MARS1: variants seen among roughly 807,000 people sequenced by gnomAD.
The protein encoded by MARS1 is methionyl-tRNA synthetase 1, also known as methionine--tRNA ligase, cytoplasmic.
Under a neutral mutation model 119.5 loss-of-function variants are expected in MARS1, and 80 were observed. The ratio of observed to expected loss-of-function variants is 0.67; its 90% CI spans 0.56 to 0.81. The LOEUF (loss-of-function observed/expected upper bound fraction) is 0.81. MARS1 is among the 30% of genes least tolerant of loss of function. The pLI, the probability that MARS1 is intolerant of heterozygous loss-of-function variation, is 0.00. For missense variants in MARS1, 945 were observed against 1,116.5 expected, an observed-to-expected ratio of 0.85 and a Z score of 2.19; for synonymous variants, 418 against 433.4, an observed-to-expected ratio of 0.96 and a Z score of 0.44.
chr12:57,508,315 GGA>G (rs1442132129), intron 11 of MARS1, among the ~76,000 whole-genome samples: 1 of 152,064 alleles, frequency 6.6e-6, no homozygotes, highest in African/African-American at 2.4e-5. Context: ...CAGGCAGCTG[GGA>G]GGTGGAGGTT....
intron 18 of MARS1, 53 bp from the exon 19 acceptor site, chr12:57,515,867 A>G (rs747848367): frequency 6.2e-5 from 87 of 1,397,620 alleles, no homozygotes; most frequent in Admixed American, 1.6e-4. Context: ...TGTATAGTCT[A>G]TGGTAGAGTC....
chr12:57,507,166 G>A (rs982209159), intron 11 of MARS1, among the ~76,000 whole-genome samples: 14 of 152,012 alleles, frequency 9.2e-5, no homozygotes, highest in Admixed American at 2.0e-4. Flanking sequence ...ACAGGGTTGG[G>A]GGTAAGGTTA....
intron 4 of MARS1, 83 bp from the exon 5 acceptor site, chr12:57,489,813 G>T (rs1246579361): frequency 7.8e-7 from 1 of 1,275,850 alleles, no homozygotes; most frequent in African/African-American, 1.5e-5. Flanking sequence ...CATATAAAGT[G>T]CTCAGTAAAT....
At chr12:57,501,391 T>C (rs1876908380) in intron 10 of MARS1, among the ~76,000 whole-genome samples, 2 of 152,326 alleles carry the variant, frequency 1.3e-5, no homozygotes, top group Middle Eastern at 6.8e-3. Flanking sequence ...AGAAATAAAG[T>C]ATGTTGAAGG....
chr12:57,499,907 C>A lies in MARS1; in HGVS notation c.1092-414C>A, dbSNP rs539178201. Among the ~76,000 whole-genome samples the A allele has an allele frequency of 3.9e-5, 6 of 152,104 alleles. No individual in the cohort carries two copies. The South Asian group carries it at 1.0e-3, about 26-fold the overall frequency. Reference sequence around the variant, plus strand: ...GAGCGAGACTCTGTCTCAAAACAAACAAAAAAACCCCCAAAACTTTACATA... The same window carrying A: ...GAGCGAGACTCTGTCTCAAAACAAAAAAAAAAACCCCCAAAACTTTACATA... On this transcript the variant is annotated intron_variant, in intron 9 of 20. Transcript: ENST00000262027.
chr12:57,504,733 C>T (rs1377394201), intron 11 of MARS1, among the ~76,000 whole-genome samples: 3 of 108,948 alleles, frequency 2.8e-5, no homozygotes, highest in Admixed American at 1.4e-4. Context: ...GACAGAGTTT[C>T]GCTCTTGTCG....
At chr12:57,508,163 C>G (rs1877317433) in intron 11 of MARS1, among the ~76,000 whole-genome samples, 1 of 152,142 alleles carries the variant, frequency 6.6e-6, no homozygotes, top group Non-Finnish European at 1.5e-5. Context: ...CAGAGACACT[C>G]CTCACTTTCC....
chr12:57,514,293 G>T (rs1877667024), intron 15 of MARS1, among the ~76,000 whole-genome samples: 1 of 151,326 alleles, frequency 6.6e-6, no homozygotes, highest in Admixed American at 6.6e-5. Flanking sequence ...GAGTAGCTGG[G>T]ATTACAGGTG....
chr12:57,501,529 T>C (rs1876914387), intron 10 of MARS1, among the ~76,000 whole-genome samples: 1 of 151,410 alleles, frequency 6.6e-6, no homozygotes. Context: ...CTACTGAAAA[T>C]ACAGAAATGG....
chr12:57,516,393 T>C (rs1416900365), intron 20 of MARS1, 42 bp from the exon 21 acceptor site: 1 of 1,611,736 alleles, frequency 6.2e-7, no homozygotes, highest in Non-Finnish European at 8.5e-7. Flanking sequence ...AATAGATCTT[T>C]TTCTTGCCTC....
At chr12:57,495,902 A>C (rs553357803) in intron 7 of MARS1, among the ~76,000 whole-genome samples, 79 of 152,336 alleles carry the variant, frequency 5.2e-4, no homozygotes, top group African/African-American at 1.9e-3. Context: ...GGGCAGGCTG[A>C]GGCAGGAGAA....
In MARS1 at chr12:57,496,427, T is replaced by C. The variant is rs2140014666; in HGVS notation, c.771-1730T>C. Among the ~76,000 whole-genome samples the C allele has an allele frequency of 2.6e-5, 4 of 152,138 alleles. 1 individual carries two copies. The highest frequency in any genetic ancestry group is 2.6e-4 in the Admixed American group (4 of 15,286). ...ATCCGCCTGCCTGAGCCTCCCAAAG[T>C]GCTGGGATTACAGGCGTGAGCCACT... is the stretch of plus-strand genomic sequence containing the variant. On this transcript the variant is annotated intron_variant, in intron 7 of 20. Transcript: ENST00000262027.
chr12:57,511,030 G>T (rs1320213924), intron 11 of MARS1, among the ~76,000 whole-genome samples: 1 of 151,694 alleles, frequency 6.6e-6, no homozygotes. Flanking sequence ...GCCATGATGT[G>T]CCACTGTACT....
intron 1 of MARS1, chr12:57,488,621 T>A (rs1430339113): frequency 6.4e-7 from 1 of 1,550,972 alleles, no homozygotes; most frequent in African/African-American, 1.4e-5. Context: ...CCTCTTCTCA[T>A]TCTCAGCCGA....
intron 18 of MARS1, 97 bp from the exon 19 acceptor site, chr12:57,515,823 A>C (rs989503809): frequency 1.1e-6 from 1 of 895,904 alleles, no homozygotes; most frequent in African/African-American, 1.7e-5. Context: ...GTTCTTTCTA[A>C]AACACATCAG....
intron 7 of MARS1, among the ~76,000 whole-genome samples, chr12:57,495,184 C>A (rs1211119532): frequency 6.7e-6 from 1 of 149,950 alleles, no homozygotes; most frequent in East Asian, 2.0e-4. Flanking sequence ...CTGCCCCCCA[C>A]CTCCCGGATG....
chr12:57,506,830 C>G (rs1005632914), intron 11 of MARS1, among the ~76,000 whole-genome samples: 3 of 151,538 alleles, frequency 2.0e-5, no homozygotes, highest in African/African-American at 7.3e-5. Context: ...CACATACCAC[C>G]ATGCCTGGCT....
intron 7 of MARS1, among the ~76,000 whole-genome samples, chr12:57,497,559 G>C (rs1287099346): frequency 6.6e-6 from 1 of 152,162 alleles, no homozygotes; most frequent in African/African-American, 2.4e-5. Flanking sequence ...TGAATGGCAT[G>C]ACCAGCAACG....
At chr12:57,490,875 CTTTTT>C (rs34238800) in intron 7 of MARS1, among the ~76,000 whole-genome samples, 1 of 101,044 alleles carries the variant, frequency 9.9e-6, no homozygotes. Flanking sequence ...CTTGTCTATC[CTTTTT>C]TTTTTTTTTT....
Sources: allele counts gnomAD v4.1 joint callset (sites outside exome capture counted in the v4.1 genomes callset), GRCh38; gene constraint gnomAD v4.1.1; transcripts MANE v1.5; gene names NCBI Gene and HGNC (gene_info 2026-07-23, HGNC 2026-07-21).